Variants in AHCTF1 observed in about 807,000 individuals in gnomAD.
AHCTF1 encodes the protein protein ELYS.
Under a neutral mutation model 248.4 loss-of-function variants are expected in AHCTF1, and 24 were observed. The observed-to-expected ratio is 0.10, with a 90% CI of 0.07 to 0.14. The LOEUF (loss-of-function observed/expected upper bound fraction) is 0.14. Ranked by LOEUF, AHCTF1 falls within the 10% of genes least tolerant of loss-of-function variation. AHCTF1 has a pLI of 1.00. For missense variants in AHCTF1, 2,206 were observed against 2,636.2 expected, an observed-to-expected ratio of 0.84 and a Z score of 3.57; for synonymous variants, 786 against 929.8, an observed-to-expected ratio of 0.85 and a Z score of 2.81.
At chr1:246,845,535 T>C (rs12048921) in intron 33 of AHCTF1, among the ~76,000 whole-genome samples, 30,508 of 152,122 alleles carry the variant, frequency 0.2, 3,552 homozygotes, top group Admixed American at 0.28. Context: ...TCTATAACTC[T>C]CTTCTAGGCT....
intron 21 of AHCTF1, among the ~76,000 whole-genome samples, chr1:246,883,390 G>A (rs1663597493): frequency 6.6e-6 from 1 of 152,168 alleles, no homozygotes; most frequent in African/African-American, 2.4e-5. Context: ...TATGACCGCA[G>A]GAGATACTCA....
intron 1 of AHCTF1, among the ~76,000 whole-genome samples, chr1:246,921,626 C>T (rs1029415648): frequency 3.3e-5 from 5 of 152,088 alleles, no homozygotes; most frequent in Admixed American, 6.6e-5. Flanking sequence ...TACAGACACA[C>T]CGATTCCCTG....
intron 3 of AHCTF1, among the ~76,000 whole-genome samples, chr1:246,914,551 A>C (rs1462831859): frequency 6.6e-6 from 1 of 152,194 alleles, no homozygotes. Flanking sequence ...ATAAATACTA[A>C]AGCATATTCA....
intron 31 of AHCTF1, among the ~76,000 whole-genome samples, chr1:246,854,970 G>A (rs1661008452): frequency 7.9e-6 from 1 of 126,172 alleles, no homozygotes. Context: ...CTTTTTACAT[G>A]TTAGACAATT....
At chr1:246,885,856 A>G (rs904632125) in intron 20 of AHCTF1, among the ~76,000 whole-genome samples, 176 bp from the exon 21 acceptor site, 1 of 152,308 alleles carries the variant, frequency 6.6e-6, no homozygotes, top group African/African-American at 2.4e-5. Flanking sequence ...TACAGGATCC[A>G]TATCTGCAGA....
At chr1:246,923,658 C>T (rs143355150) in intron 1 of AHCTF1, among the ~76,000 whole-genome samples, 172 of 152,320 alleles carry the variant, frequency 1.1e-3, no homozygotes, top group African/African-American at 3.9e-3. Flanking sequence ...ACATTACACA[C>T]GGCTAGAGTG....
rs1430710485 is a variant in AHCTF1, at chr1:246,907,785, G to A, written c.557-27C>T. The A allele has an allele frequency of 3.8e-6, 6 of 1,585,322 alleles. No individual in the cohort carries two copies. The African/African-American group carries it at 5.4e-5, about 14-fold the overall frequency. The stretch of plus-strand genomic sequence containing the variant: ...TAAAACCACAAATTAGACAAATGAA[G>A]TTAAAAAACTAGAAACAGCATTAAA... On this transcript the variant is annotated intron_variant, in intron 4 of 35. Transcript: ENST00000648844.
At chr1:246,879,016 G>T (rs1159377224) in intron 21 of AHCTF1, among the ~76,000 whole-genome samples, 1 of 152,070 alleles carries the variant, frequency 6.6e-6, no homozygotes, top group Non-Finnish European at 1.5e-5. Flanking sequence ...GTTAAAAGCA[G>T]AACATTTTTG....
rs752835319 is a variant in AHCTF1, at chr1:246,877,302, C to T, written c.2661G>A (p.Arg887=). The T allele has an allele frequency of 5.1e-6, 8 of 1,574,818 alleles. No individual in the cohort carries two copies. The highest frequency in any genetic ancestry group is 4.8e-5 in the South Asian group (4 of 84,198). The change falls in exon 22 of 36, where the codon AGG becomes AGA. Residue 887 remains arginine (R), a splice_region_variant and synonymous_variant. Transcript: ENST00000648844. Reference sequence around the variant, plus strand: ...AAAAATTCCAGGCTTCAACCATACACCTGAAAGCAGTATTTATCAAAGTTT... The same window carrying T: ...AAAAATTCCAGGCTTCAACCATACATCTGAAAGCAGTATTTATCAAAGTTT... The part of the protein sequence containing the change: ...ILHLTVLLFN[R]CMVEAWNFLR...
intron 20 of AHCTF1, among the ~76,000 whole-genome samples, chr1:246,886,972 A>G (rs1250750219): frequency 6.6e-6 from 1 of 152,190 alleles, no homozygotes; most frequent in Non-Finnish European, 1.5e-5. Flanking sequence ...TATCTGAACT[A>G]TCGTAATTAC....
Position 246,843,778 on chromosome 1 carries a change from A to C in AHCTF1, c.6525+17T>G. On this transcript the variant is annotated intron_variant, in intron 34 of 35. Transcript: ENST00000648844. ...TATGTTTTAACAAACATACAAATAA[A>C]ATCATGCATTTCTTACCAGTTCATC... is the stretch of plus-strand genomic sequence containing the variant. The C allele has an allele frequency of 1.5e-6, 2 of 1,371,292 alleles. No homozygotes were observed. Among genetic ancestry groups the C allele is most frequent in the Non-Finnish European group, 1.9e-6 (2 of 1,051,578 alleles). The allele number at this position is 1,371,292 out of a possible 1,614,324, so 84.9% of individuals were successfully genotyped here. A position where few individuals can be genotyped will look rare whatever the true frequency, so the allele number is the denominator to read the frequency against.
intron 24 of AHCTF1, among the ~76,000 whole-genome samples, chr1:246,869,116 T>G (rs186674151): frequency 2.6e-5 from 4 of 152,214 alleles, no homozygotes; most frequent in East Asian, 1.9e-4. Flanking sequence ...AGTGCTGGAT[T>G]ACAGGCGTGA....
chr1:246,877,404 CTT>C, intron 21 of AHCTF1, 102 bp from the exon 22 acceptor site: 1 of 1,245,910 alleles, frequency 8.0e-7, no homozygotes, highest in East Asian at 2.6e-5. Flanking sequence ...TGTAAAGTAT[CTT>C]TATAAATAAT....
chr1:246,874,529 G>A (rs1662806635), intron 24 of AHCTF1, among the ~76,000 whole-genome samples: 1 of 152,114 alleles, frequency 6.6e-6, no homozygotes, highest in Non-Finnish European at 1.5e-5. Context: ...TAACCAACTT[G>A]ACATGGTGGT....
At chr1:246,863,082 G>T (rs1340475244) in intron 27 of AHCTF1, among the ~76,000 whole-genome samples, 1 of 152,140 alleles carries the variant, frequency 6.6e-6, no homozygotes, top group Non-Finnish European at 1.5e-5. Context: ...TTTGAACCTA[G>T]CTGTAGAGAA....
At chr1:246,906,648 A>C (rs557812241) in intron 5 of AHCTF1, among the ~76,000 whole-genome samples, 1 of 152,170 alleles carries the variant, frequency 6.6e-6, no homozygotes, top group African/African-American at 2.4e-5. Flanking sequence ...TACACTTCCT[A>C]TAAGATAAAT....
In AHCTF1 at chr1:246,862,102, T is replaced by C. The variant is rs1289074219; in HGVS notation, c.3592A>G (p.Thr1198Ala). ...GTAGACCTCAGGATGGACTGAGGAG[T>C]GAACTCAGAAAATCCAGAAGTAGTA... is the stretch of plus-strand genomic sequence containing the variant. ...SVTTSGFSEFTPQSILRSTLR... is the reference protein window; with the variant it reads ...SVTTSGFSEFAPQSILRSTLR... Residue 1198 changes from threonine to alanine, a missense_variant, in exon 28 of 36, where the codon ACT (threonine) becomes GCT (alanine). By Grantham distance (58) the Thr-to-Ala change is moderately conservative. This residue lies in a region of AHCTF1 where 955 missense variants were observed against 1,055.6 expected (regional missense o/e 0.90). Coordinates refer to ENST00000648844, the MANE Select transcript of AHCTF1 (RefSeq NM_001323342.2). The C allele has an allele frequency of 2.5e-6, 4 of 1,608,098 alleles. No homozygotes were observed. The highest frequency in any genetic ancestry group is 1.1e-5 in the South Asian group (1 of 89,736).
intron 32 of AHCTF1, chr1:246,851,825 T>C: frequency 5.7e-6 from 1 of 174,532 alleles, no homozygotes; most frequent in Non-Finnish European, 1.2e-5. Context: ...TGTGTTTTAA[T>C]GGTATTCCCC....
intron 1 of AHCTF1, chr1:246,931,070 GA>G: frequency 6.5e-7 from 1 of 1,538,894 alleles, no homozygotes. Context: ...CCAATCGGGT[GA>G]GCTGGAACCT....
Sources: gnomAD v4.1 joint callset for allele counts (sites outside exome capture counted in the v4.1 genomes callset) on GRCh38, gnomAD v4.1.1 for gene constraint, gnomAD v4.1.1 regional missense constraint, MANE v1.5 for transcripts, NCBI Gene and HGNC (gene_info 2026-07-23, HGNC 2026-07-21) for gene names.